The following ESRRG variants were observed in gnomAD, a reference collection of about 807,000 sequenced individuals.
ESRRG encodes estrogen-related receptor gamma.
Under a neutral mutation model 44.0 loss-of-function variants are expected in ESRRG, and 13 were observed. The observed-to-expected ratio is 0.30, with a 90% CI of 0.19 to 0.47. ESRRG has a LOEUF of 0.47. Ranked by LOEUF, ESRRG falls within the 20% of genes least tolerant of loss-of-function variation. ESRRG has a pLI of 1.00. For missense variants in ESRRG, 395 were observed against 580.6 expected (o/e 0.68, Z 3.29); for synonymous variants, 215 against 214.6 (o/e 1.00, Z -0.02).
At chr1:216,733,654 T>G (rs2089298967) in intron 2 of ESRRG, among the ~76,000 whole-genome samples, 2 of 152,072 alleles carry the variant, frequency 1.3e-5, no homozygotes, top group African/African-American at 2.4e-5. Context: ...TGGCTCTCAT[T>G]TAGTCAGCTA....
intron 2 of ESRRG, among the ~76,000 whole-genome samples, chr1:216,778,265 A>G (rs1312818151): frequency 2.0e-5 from 3 of 152,038 alleles, no homozygotes; most frequent in African/African-American, 4.8e-5. Flanking sequence ...CAGGAGCTCC[A>G]AAGTTCAAAT....
chr1:217,088,213 A>C (rs1210877213), intron 1 of ESRRG, among the ~76,000 whole-genome samples: 1 of 152,092 alleles, frequency 6.6e-6, no homozygotes, highest in Non-Finnish European at 1.5e-5. Flanking sequence ...GTGAGAAACA[A>C]ATGAGAGTTT....
intron 2 of ESRRG, among the ~76,000 whole-genome samples, chr1:216,838,426 A>G (rs1334907641): frequency 6.6e-6 from 1 of 152,144 alleles, no homozygotes; most frequent in Non-Finnish European, 1.5e-5. Context: ...TGCCTTTGAA[A>G]CAGTGACACT....
At chr1:217,106,423 C>T (rs2092597885) in intron 1 of ESRRG, among the ~76,000 whole-genome samples, 1 of 151,646 alleles carries the variant, frequency 6.6e-6, no homozygotes, top group South Asian at 2.1e-4. Flanking sequence ...CACACACGAC[C>T]TGGTCTCAGC....
At chr1:217,047,142 C>T (rs2085036368) in intron 1 of ESRRG, among the ~76,000 whole-genome samples, 1 of 151,996 alleles carries the variant, frequency 6.6e-6, no homozygotes, top group African/African-American at 2.4e-5. Context: ...TATCAAACTA[C>T]TTATCATTTG....
At chr1:216,912,242 A>G (rs189146154) in intron 2 of ESRRG, among the ~76,000 whole-genome samples, 884 of 36,642 alleles carry the variant, frequency 0.024, 47 homozygotes, top group African/African-American at 0.051. Context: ...AGAGGAGAGG[A>G]GAGGAGAGGA....
chr1:216,809,325 T>TA (rs201618241), intron 2 of ESRRG, among the ~76,000 whole-genome samples: 4,880 of 119,020 alleles, frequency 0.041, 107 homozygotes, highest in East Asian at 0.072. Flanking sequence ...TTTTTTACAG[T>TA]AAAAAAAAAA....
intron 2 of ESRRG, among the ~76,000 whole-genome samples, chr1:216,744,551 A>G (rs1481739507): frequency 6.6e-6 from 1 of 152,130 alleles, no homozygotes; most frequent in Non-Finnish European, 1.5e-5. Context: ...CAACGATGCC[A>G]AAAACACACA....
At chr1:216,978,815 A>G (rs1339218) in intron 1 of ESRRG, among the ~76,000 whole-genome samples, 127,134 of 152,158 alleles carry the variant, frequency 0.84, 53,252 homozygotes, top group East Asian at 1. Flanking sequence ...GTGGCTTCTC[A>G]AAGAAGGAGG....
intron 1 of ESRRG, chr1:216,681,926 C>T (rs572798055): frequency 1.3e-5 from 2 of 152,232 alleles, no homozygotes; most frequent in Admixed American, 6.5e-5. Context: ...GTGAATGAAC[C>T]GTCAGGAGTT....
At chr1:216,940,303 C>A (rs2065004138) in intron 1 of ESRRG, among the ~76,000 whole-genome samples, 1 of 152,144 alleles carries the variant, frequency 6.6e-6, no homozygotes, top group African/African-American at 2.4e-5. Flanking sequence ...CTGGGTTGAA[C>A]CTCATGAAGT....
chr1:217,103,018 G>A (rs549666119), intron 1 of ESRRG, among the ~76,000 whole-genome samples: 1 of 152,322 alleles, frequency 6.6e-6, no homozygotes, highest in East Asian at 1.9e-4. Flanking sequence ...AGACTCCTGT[G>A]AGCAGGAGAC....
chr1:216,734,220 C>T (rs537523077), intron 2 of ESRRG, among the ~76,000 whole-genome samples: 1 of 152,290 alleles, frequency 6.6e-6, no homozygotes, highest in South Asian at 2.1e-4. Flanking sequence ...GATATCTAGA[C>T]ATTTTAGACT....
intron 4 of ESRRG, among the ~76,000 whole-genome samples, chr1:216,566,322 T>C (rs1231946281): frequency 6.6e-6 from 1 of 152,186 alleles, no homozygotes; most frequent in African/African-American, 2.4e-5. Flanking sequence ...AAAAACACAC[T>C]AATTGGATGG....
intron 3 of ESRRG, among the ~76,000 whole-genome samples, chr1:216,583,221 T>C (rs532398460): frequency 1.3e-5 from 2 of 152,208 alleles, no homozygotes; most frequent in Non-Finnish European, 2.9e-5. Context: ...CAATATATCC[T>C]AGACCACCAG....
chr1:216,575,422 G>T (rs931988996), intron 3 of ESRRG, among the ~76,000 whole-genome samples: 7 of 152,006 alleles, frequency 4.6e-5, no homozygotes, highest in Admixed American at 3.3e-4. Context: ...ACCAAGCAAC[G>T]TCTTTGTTGT....
At position 216,506,055 on chromosome 1, in the gene ESRRG, A is replaced by C. The variant is rs1242256117; in HGVS notation, c.*884T>G. 1.3e-5 allele frequency: 2 copies of C among 152,664 alleles called. No individual in the cohort carries two copies. The highest frequency in any genetic ancestry group is 6.5e-5 in the Admixed American group (1 of 15,288). 9.5% of individuals were successfully genotyped at this position (152,664 alleles called of 1,614,324 possible). On this transcript the variant is annotated 3_prime_UTR_variant, in exon 7 of 7. Transcript: ENST00000408911. Reference sequence around the variant, plus strand: ...ATAAAGCTTAAACTATTCCCTGAAAAAGTTACATAGTAGCTAAACTAACAA... The same window carrying C: ...ATAAAGCTTAAACTATTCCCTGAAACAGTTACATAGTAGCTAAACTAACAA...
At chr1:217,003,412 A>G (rs892026581) in intron 1 of ESRRG, among the ~76,000 whole-genome samples, 1 of 151,982 alleles carries the variant, frequency 6.6e-6, no homozygotes, top group Admixed American at 6.6e-5. Flanking sequence ...TATTCAATAA[A>G]CATTAGTTTC....
intron 5 of ESRRG, among the ~76,000 whole-genome samples, chr1:216,549,970 A>C (rs147681796): frequency 7.9e-5 from 12 of 152,254 alleles, no homozygotes; most frequent in African/African-American, 2.9e-4. Context: ...TCATGTTGGC[A>C]TCTGACTGCA....
Sources: gnomAD v4.1 joint callset for allele counts (sites outside exome capture counted in the v4.1 genomes callset) on GRCh38, gnomAD v4.1.1 for gene constraint, MANE v1.5 for transcripts, NCBI Gene and HGNC (gene_info 2026-07-23, HGNC 2026-07-21) for gene names.